Variants in PLXDC2 observed in about 807,000 individuals in gnomAD.
PLXDC2 encodes plexin domain containing 2, also known as plexin domain-containing protein 2.
Under a neutral mutation model 68.9 loss-of-function variants are expected in PLXDC2, and 40 were observed. That is an observed-to-expected ratio of 0.58 (90% CI 0.45 to 0.76). The LOEUF is 0.76. Ranked by LOEUF, PLXDC2 falls within the 30% of genes least tolerant of loss-of-function variation. PLXDC2 has a pLI of 0.00. For synonymous variants in PLXDC2, 243 were observed against 234.2 expected (o/e 1.04, Z -0.34); for missense variants, 644 against 661.9 (o/e 0.97, Z 0.30).
intron 2 of PLXDC2, among the ~76,000 whole-genome samples, chr10:20,044,215 T>TCTGTCTG (rs1564293880): frequency 3.0e-4 from 2 of 6,776 alleles, no homozygotes; most frequent in African/African-American, 1.5e-3. Context: ...CTCTCTGTCT[T>TCTGTCTG]TCTTTCTTTC....
intron 6 of PLXDC2, among the ~76,000 whole-genome samples, chr10:20,156,552 A>T (rs1364140726): frequency 6.6e-6 from 1 of 152,160 alleles, no homozygotes; most frequent in Non-Finnish European, 1.5e-5. Context: ...ACAGTAGCTT[A>T]TGTAGAAAGG....
chr10:19,887,805 A>G (rs1356674677), intron 1 of PLXDC2, among the ~76,000 whole-genome samples: 1 of 152,260 alleles, frequency 6.6e-6, no homozygotes, highest in African/African-American at 2.4e-5. Flanking sequence ...CACTTGACAC[A>G]TAAGTAAGAG....
chr10:19,867,771 A>G (rs1453449553), intron 1 of PLXDC2, among the ~76,000 whole-genome samples: 1 of 152,102 alleles, frequency 6.6e-6, no homozygotes, highest in East Asian at 1.9e-4. Flanking sequence ...GGGTATTCTC[A>G]ATGTGCGAAG....
chr10:19,854,373 A>G (rs1312812921), intron 1 of PLXDC2, among the ~76,000 whole-genome samples: 1 of 152,168 alleles, frequency 6.6e-6, no homozygotes, highest in Non-Finnish European at 1.5e-5. Context: ...TTTTAATATA[A>G]ATCAGTGGCT....
At chr10:19,921,509 G>T (rs1368086023) in intron 1 of PLXDC2, among the ~76,000 whole-genome samples, 2 of 152,190 alleles carry the variant, frequency 1.3e-5, no homozygotes, top group African/African-American at 4.8e-5. Flanking sequence ...CTTTCACAGA[G>T]CACAGACTCT....
chr10:20,083,285 C>G (rs575446035), intron 4 of PLXDC2, among the ~76,000 whole-genome samples: 11 of 151,852 alleles, frequency 7.2e-5, no homozygotes, highest in Middle Eastern at 3.4e-3. Context: ...ACCATCCTGG[C>G]TAACATGGTG....
At chr10:19,931,101 A>T (rs940509308) in intron 1 of PLXDC2, among the ~76,000 whole-genome samples, 1 of 152,246 alleles carries the variant, frequency 6.6e-6, no homozygotes, top group Non-Finnish European at 1.5e-5. Flanking sequence ...GCAAACACCC[A>T]TGGGAAGGAG....
At chr10:19,959,088 T>C (rs60515911) in intron 1 of PLXDC2, among the ~76,000 whole-genome samples, 4 of 152,166 alleles carry the variant, frequency 2.6e-5, no homozygotes, top group African/African-American at 9.7e-5. Context: ...CAAGCTAAAT[T>C]TGGACTGTCA....
chr10:20,234,971 C>T (rs1835414488), intron 12 of PLXDC2, among the ~76,000 whole-genome samples: 1 of 152,090 alleles, frequency 6.6e-6, no homozygotes, highest in African/African-American at 2.4e-5. Flanking sequence ...AGATTGATTT[C>T]GTATTCTGCA....
chr10:20,177,886 T>A (rs1033826147), intron 9 of PLXDC2, among the ~76,000 whole-genome samples: 1 of 139,902 alleles, frequency 7.1e-6, no homozygotes, highest in Non-Finnish European at 1.5e-5. Context: ...GGTATTTTAC[T>A]ATTTTCCTTT....
chr10:20,178,910 G>T (rs1318388258), intron 9 of PLXDC2, among the ~76,000 whole-genome samples: 2 of 152,078 alleles, frequency 1.3e-5, no homozygotes, highest in African/African-American at 4.8e-5. Flanking sequence ...TTTTAAGTTA[G>T]TTATATATCC....
At chr10:20,161,440 A>G (rs1834290029) in intron 6 of PLXDC2, among the ~76,000 whole-genome samples, 1 of 150,832 alleles carries the variant, frequency 6.6e-6, no homozygotes, top group African/African-American at 2.4e-5. Flanking sequence ...CAGTTTTTCA[A>G]GTCTCTCTCT....
intron 9 of PLXDC2, among the ~76,000 whole-genome samples, chr10:20,201,854 C>A (rs1487473334): frequency 6.6e-6 from 1 of 151,948 alleles, no homozygotes; most frequent in Non-Finnish European, 1.5e-5. Context: ...GTTGTGATTC[C>A]GATTAATTGA....
intron 9 of PLXDC2, among the ~76,000 whole-genome samples, chr10:20,183,462 A>C (rs187440814): frequency 6.6e-6 from 1 of 151,972 alleles, no homozygotes; most frequent in Non-Finnish European, 1.5e-5. Flanking sequence ...TGTGAGAAAC[A>C]ACAATATTTG....
intron 4 of PLXDC2, among the ~76,000 whole-genome samples, chr10:20,086,786 T>G (rs1346406937): frequency 6.6e-6 from 1 of 152,136 alleles, no homozygotes; most frequent in Non-Finnish European, 1.5e-5. Flanking sequence ...AGCAGCTCCT[T>G]GAAAAATCAA....
chr10:20,093,946 T>C (rs1442833111), intron 4 of PLXDC2, among the ~76,000 whole-genome samples: 1 of 152,048 alleles, frequency 6.6e-6, no homozygotes, highest in Non-Finnish European at 1.5e-5. Flanking sequence ...GTGTTAGGAT[T>C]ACAGGCATGA....
intron 13 of PLXDC2, among the ~76,000 whole-genome samples, chr10:20,252,615 G>A (rs1446260010): frequency 6.6e-6 from 1 of 152,176 alleles, no homozygotes; most frequent in Non-Finnish European, 1.5e-5. Flanking sequence ...CTTATGAGGA[G>A]GCAGAAGGCT....
At chr10:19,883,049 C>T (rs1016431168) in intron 1 of PLXDC2, among the ~76,000 whole-genome samples, 18 of 151,576 alleles carry the variant, frequency 1.2e-4, no homozygotes, top group South Asian at 2.1e-4. Context: ...CTCCGCCTCC[C>T]GGGTTCACGC....
At chr10:20,077,035 G>A (rs1488187863) in intron 4 of PLXDC2, among the ~76,000 whole-genome samples, 3 of 152,086 alleles carry the variant, frequency 2.0e-5, no homozygotes, top group African/African-American at 4.8e-5. Flanking sequence ...TTATACCCAC[G>A]TATTCATTCT....
Sources: allele counts gnomAD v4.1 joint callset (sites outside exome capture counted in the v4.1 genomes callset), GRCh38; gene constraint gnomAD v4.1.1; transcripts MANE v1.5; gene names NCBI Gene and HGNC (gene_info 2026-07-23, HGNC 2026-07-21).